Variants in DPP10 observed in about 807,000 individuals in gnomAD.
DPP10 encodes inactive dipeptidyl peptidase 10.
A neutral mutation model predicts 120.9 loss-of-function variants in DPP10; 33 were observed. That is an observed-to-expected ratio of 0.27 (90% CI 0.21 to 0.37). The LOEUF is 0.37. Among genes scored for constraint, DPP10 ranks in the 10% least tolerant of loss-of-function variants. DPP10 has a pLI of 1.00. For missense variants in DPP10, 816 were observed against 942.8 expected (o/e 0.87, Z 1.76); for synonymous variants, 337 against 326.1 (o/e 1.03, Z -0.36).
In DPP10 at chr2:115,507,027, C is replaced by T. The variant is rs570870906; in HGVS notation, c.366+7423C>T. ...CAACCTTGGCTGCATTACACACACA[C>T]GCACGCGCACACACACACACACACA... On this transcript the variant is annotated intron_variant, in intron 4 of 25. Coordinates refer to ENST00000410059, the MANE Select transcript of DPP10 (RefSeq NM_020868.6). 8.0e-5 allele frequency among the ~76,000 whole-genome samples: 10 copies of T among 125,122 alleles called. No individual in the cohort carries two copies. In the East Asian group the frequency reaches 9.4e-4, roughly 12 times the overall value. The allele number at this position is 125,122 out of a possible 152,430, so 82.1% of individuals were successfully genotyped here.
chr2:115,644,508 T>C (rs949369560), intron 5 of DPP10, among the ~76,000 whole-genome samples: 3 of 151,950 alleles, frequency 2.0e-5, no homozygotes, highest in East Asian at 3.9e-4. Context: ...CAATGGCTCA[T>C]ACCTATAAAC....
chr2:114,729,028 G>C (rs1007419665), intron 1 of DPP10, among the ~76,000 whole-genome samples: 1 of 152,158 alleles, frequency 6.6e-6, no homozygotes, highest in Admixed American at 6.5e-5. Flanking sequence ...GAGGTTTAAC[G>C]GAGACAGGGT....
At chr2:115,492,675 C>A (rs995258764) in intron 3 of DPP10, among the ~76,000 whole-genome samples, 8 of 151,982 alleles carry the variant, frequency 5.3e-5, no homozygotes, top group Non-Finnish European at 1.0e-4. Context: ...AGTTGAATAG[C>A]AAATTGTGTT....
At chr2:115,282,051 A>G (rs1305148615) in intron 1 of DPP10, among the ~76,000 whole-genome samples, 1 of 152,080 alleles carries the variant, frequency 6.6e-6, no homozygotes, top group African/African-American at 2.4e-5. Context: ...GGTTTACTTG[A>G]GAAAAATGAC....
chr2:115,002,663 T>C (rs1701520945), intron 1 of DPP10, among the ~76,000 whole-genome samples: 1 of 151,876 alleles, frequency 6.6e-6, no homozygotes, highest in Non-Finnish European at 1.5e-5. Context: ...TAAACAAATG[T>C]ACAAGAAAAA....
Position 115,770,880 on chromosome 2 carries a change from G to T in DPP10, c.1221+2476G>T, listed in dbSNP as rs573839578. 1.3e-4 allele frequency among the ~76,000 whole-genome samples: 20 copies of T among 152,004 alleles called. No homozygotes were observed. In the South Asian group the frequency reaches 4.2e-3, roughly 32 times the overall value. ...CATTCTTTTTTCATGAGAAATATAT[G>T]ATTTTCCCCTAAAGATTGCAATTAA... On this transcript the variant is annotated intron_variant, in intron 13 of 25. Transcript: ENST00000410059.
chr2:115,841,561 C>T (rs35855624), intron 25 of DPP10, among the ~76,000 whole-genome samples: 13,161 of 152,100 alleles, frequency 0.087, 621 homozygotes, highest in South Asian at 0.14. Flanking sequence ...AAATATGAAG[C>T]TATACAGATA....
intron 1 of DPP10, among the ~76,000 whole-genome samples, chr2:115,041,819 G>C (rs1001251900): frequency 6.6e-6 from 1 of 152,066 alleles, no homozygotes; most frequent in South Asian, 2.1e-4. Context: ...ATGACTTTGA[G>C]TAATGTTGTG....
intron 7 of DPP10, among the ~76,000 whole-genome samples, chr2:115,714,183 T>C (rs1476480777): frequency 6.6e-6 from 1 of 152,216 alleles, no homozygotes; most frequent in African/African-American, 2.4e-5. Flanking sequence ...GTTTACTGTA[T>C]TAATACCTGT....
chr2:115,717,096 AGGGAGGGACACCTACCT>A (rs1297316931), intron 7 of DPP10, among the ~76,000 whole-genome samples: 2 of 152,206 alleles, frequency 1.3e-5, no homozygotes, highest in Non-Finnish European at 2.9e-5. Flanking sequence ...GATGAATGAG[AGGGAGGGACACCTACCT>A]GGGAAGAAAG....
intron 1 of DPP10, among the ~76,000 whole-genome samples, chr2:114,959,755 A>C (rs528583860): frequency 2.0e-5 from 3 of 152,200 alleles, no homozygotes; most frequent in African/African-American, 7.2e-5. Context: ...TTTCAATGTA[A>C]CTGTTCTGTG....
chr2:114,926,731 C>G (rs995176305), intron 1 of DPP10, among the ~76,000 whole-genome samples: 1 of 152,172 alleles, frequency 6.6e-6, no homozygotes, highest in Admixed American at 6.5e-5. Flanking sequence ...GATAGGCAAA[C>G]CCTTGAACAG....
intron 5 of DPP10, among the ~76,000 whole-genome samples, chr2:115,556,157 A>G (rs1377184948): frequency 6.6e-6 from 1 of 152,112 alleles, no homozygotes; most frequent in Admixed American, 6.5e-5. Context: ...ACTGAGTGGT[A>G]AAGATGAGCA....
At chr2:115,252,258 T>A (rs2058788128) in intron 1 of DPP10, among the ~76,000 whole-genome samples, 1 of 152,178 alleles carries the variant, frequency 6.6e-6, no homozygotes, top group Non-Finnish European at 1.5e-5. Flanking sequence ...TTACATAAAA[T>A]TTGGGCACAC....
At chr2:115,603,039 GTTCTACCTGACA>G (rs1558911427) in intron 5 of DPP10, among the ~76,000 whole-genome samples, 2 of 151,646 alleles carry the variant, frequency 1.3e-5, no homozygotes, top group East Asian at 3.9e-4. Context: ...TCTACCTGAC[GTTCTACCTGACA>G]TGTTTAAGGG....
chr2:114,571,368 T>C (rs1689632525), intron 1 of DPP10, among the ~76,000 whole-genome samples: 1 of 152,166 alleles, frequency 6.6e-6, no homozygotes, highest in African/African-American at 2.4e-5. Flanking sequence ...CCTTCCACCA[T>C]GATTGTAAGT....
intron 1 of DPP10, among the ~76,000 whole-genome samples, chr2:114,934,208 G>A (rs1214885050): frequency 6.6e-6 from 1 of 152,100 alleles, no homozygotes; most frequent in East Asian, 1.9e-4. Flanking sequence ...GTGAAGTTCA[G>A]GCTCATCTCT....
chr2:115,768,417 T>C lies in DPP10; in HGVS notation c.1221+13T>C, dbSNP rs1200652366. ...GTTCCTCATCCAGGTAAGTGCTGGC[T>C]TTTTTCCATGTTTTGATTTCATTGT... On this transcript the variant is annotated intron_variant, in intron 13 of 25. Coordinates refer to ENST00000410059, the MANE Select transcript of DPP10 (RefSeq NM_020868.6). 1 of 1,606,360 alleles carries C rather than the reference T, an allele frequency of 6.2e-7. No individual in the cohort carries two copies. The highest frequency in any genetic ancestry group is 1.1e-5 in the South Asian group (1 of 90,628).
At chr2:115,234,292 TTTC>T (rs1379629065) in intron 1 of DPP10, among the ~76,000 whole-genome samples, 1 of 152,170 alleles carries the variant, frequency 6.6e-6, no homozygotes, top group Non-Finnish European at 1.5e-5. Flanking sequence ...TATGTTTCCT[TTTC>T]TTCTTCTATC....
Sources: gnomAD v4.1 joint callset for allele counts (sites outside exome capture counted in the v4.1 genomes callset) on GRCh38, gnomAD v4.1.1 for gene constraint, MANE v1.5 for transcripts, NCBI Gene and HGNC (gene_info 2026-07-23, HGNC 2026-07-21) for gene names.